PRDM7: variants seen among roughly 807,000 people sequenced by gnomAD.
The protein encoded by PRDM7 is PR/SET domain 7.
PRDM7 carries 52 observed loss-of-function variants against 64.3 expected under a neutral mutation model. That is an observed-to-expected ratio of 0.81 (90% CI 0.65 to 1.02). The LOEUF is 1.02. Ranked by LOEUF, PRDM7 falls within the 50% of genes least tolerant of loss-of-function variation. PRDM7 has a pLI of 0.00. For synonymous variants in PRDM7, 192 were observed against 210.1 expected, an observed-to-expected ratio of 0.91 and a Z score of 0.74; for missense variants, 574 against 597.1, an observed-to-expected ratio of 0.96 and a Z score of 0.40.
chr16:90,063,792 A>G, intron 5 of PRDM7, 24 bp from the exon 6 acceptor site: 6 of 1,613,326 alleles, frequency 3.7e-6, no homozygotes, highest in Non-Finnish European at 4.2e-6. Context: ...ATCACATATT[A>G]AAAGACAACG....
intron 1 of PRDM7, among the ~76,000 whole-genome samples, chr16:90,076,528 G>C (rs2038038287): frequency 6.6e-6 from 1 of 151,350 alleles, no homozygotes; most frequent in Admixed American, 6.6e-5. Flanking sequence ...TCAGGCTGAG[G>C]GGATTTGAGA....
chr16:90,069,651 A>G (rs1415875761), intron 4 of PRDM7, among the ~76,000 whole-genome samples: 3 of 151,270 alleles, frequency 2.0e-5, no homozygotes, highest in Admixed American at 6.6e-5. Flanking sequence ...GCACATGACT[A>G]TAGTTCAGCT....
chr16:90,058,160 C>G lies in PRDM7; in HGVS notation c.*129G>C. On this transcript the variant is annotated 3_prime_UTR_variant, in exon 11 of 11. Coordinates refer to ENST00000449207, the MANE Select transcript of PRDM7 (RefSeq NM_001098173.2). ...CCCACAAATAATTTGCCTGTGTTCC[C>G]TGGATTCACTTTCTGGCCTGTTCTG... 1.9e-6 allele frequency: 3 copies of G among 1,614,200 alleles called. No homozygotes were observed. Among genetic ancestry groups the G allele is most frequent in the Non-Finnish European group, 2.5e-6 (3 of 1,180,024 alleles).
chr16:90,060,745 G>A, intron 9 of PRDM7, 122 bp from the exon 10 acceptor site: 1 of 1,408,630 alleles, frequency 7.1e-7, no homozygotes, highest in Non-Finnish European at 1.0e-6. Flanking sequence ...TTTTTTCAAA[G>A]CCCAACTCCA....
At chr16:90,074,120 C>T (rs768177009) in intron 4 of PRDM7, among the ~76,000 whole-genome samples, 2 of 152,080 alleles carry the variant, frequency 1.3e-5, no homozygotes, top group South Asian at 2.1e-4. Flanking sequence ...GGGGGCTATG[C>T]ACGGTGGCTC....
At chr16:90,062,660 C>G (rs768087392) in intron 6 of PRDM7, among the ~76,000 whole-genome samples, 158 bp from the exon 7 acceptor site, 7 of 152,220 alleles carry the variant, frequency 4.6e-5, no homozygotes, top group Non-Finnish European at 1.0e-4. Context: ...TTAGACCCCA[C>G]ACCCACACTG....
chr16:90,058,275 C>T lies in PRDM7; in HGVS notation c.*14G>A. On this transcript the variant is annotated 3_prime_UTR_variant, in exon 11 of 11. Transcript: ENST00000449207. ...AAAAGGCCCTTGAAATCTCCCTCTG[C>T]CATGTCCTTTTATTCAAGAGTTTGG... is the stretch of plus-strand genomic sequence containing the variant. The T allele has an allele frequency of 6.2e-7, 1 of 1,614,188 alleles. No homozygotes were observed.
At position 90,057,521 on chromosome 16, in the gene PRDM7, G is replaced by T; in HGVS notation, c.*768C>A. ...AGGGAAGAATGAGGTACACACTTGGGGTTCAGATATGTATGGAGACAAAAT... is the reference window on the plus strand; with the variant it reads ...AGGGAAGAATGAGGTACACACTTGGTGTTCAGATATGTATGGAGACAAAAT... On this transcript the variant is annotated 3_prime_UTR_variant, in exon 11 of 11. Transcript: ENST00000449207. 4.2e-6 allele frequency: 1 copy of T among 235,900 alleles called. No homozygotes were observed. The highest frequency in any genetic ancestry group is 7.3e-5 in the South Asian group (1 of 13,732). 14.6% of individuals were successfully genotyped at this position (235,900 alleles called of 1,614,324 possible).
At chr16:90,073,789 T>C (rs992113886) in intron 4 of PRDM7, among the ~76,000 whole-genome samples, 1 of 151,808 alleles carries the variant, frequency 6.6e-6, no homozygotes, top group African/African-American at 2.4e-5. Flanking sequence ...GTCACTTTTT[T>C]TTCCCCCCGA....
At chr16:90,061,179 C>T (rs1156750695) in intron 9 of PRDM7, among the ~76,000 whole-genome samples, 5 of 152,178 alleles carry the variant, frequency 3.3e-5, no homozygotes. Flanking sequence ...ATGTGGATTA[C>T]ATAAATTAAA....
Position 90,058,391 on chromosome 16 carries a change from G to A in PRDM7, c.1377C>T (p.Ile459=). The change falls in exon 11 of 11, where the codon ATC becomes ATT. Residue 459 remains isoleucine, a synonymous_variant. Transcript: ENST00000449207. The part of the protein sequence containing the change: ...HLQENFSNQR[I]PAQGIRIRSG... ...TCCTGATTCTGATCCCCTGGGCAGGGATTCTCTGGTTGGAGAAGTTTTCTT... is the reference window on the plus strand; with the variant it reads ...TCCTGATTCTGATCCCCTGGGCAGGAATTCTCTGGTTGGAGAAGTTTTCTT... 1 of 1,614,152 alleles carries A rather than the reference G, an allele frequency of 6.2e-7. No homozygotes were observed. The highest frequency in any genetic ancestry group is 1.3e-5 in the African/African-American group (1 of 75,034).
In PRDM7 at chr16:90,066,186, C is replaced by G. The variant is rs538045306; in HGVS notation, c.351+675G>C. On this transcript the variant is annotated intron_variant, in intron 5 of 10. Transcript: ENST00000449207. ...ATTTGTTGTTTCTCAATCTTCGAAC[C>G]TGAAACCCTTCAGGGCTGGAAGCTG... 1.5e-3 allele frequency among the ~76,000 whole-genome samples: 221 copies of G among 151,428 alleles called. 14 individuals carry two copies. The highest frequency in any genetic ancestry group is 5.3e-3 in the African/African-American group (215 of 40,820).
intron 1 of PRDM7, among the ~76,000 whole-genome samples, chr16:90,076,773 G>T (rs2038042524): frequency 6.6e-6 from 1 of 152,046 alleles, no homozygotes; most frequent in African/African-American, 2.4e-5. Flanking sequence ...TGAGGCTGAG[G>T]AAATTCTGGG....
intron 7 of PRDM7, 45 bp from the exon 8 acceptor site, chr16:90,062,237 T>G (rs1198105124): frequency 6.2e-7 from 1 of 1,614,220 alleles, no homozygotes; most frequent in Admixed American, 1.7e-5. Flanking sequence ...TAATGCATGT[T>G]CCTTGATATA....
chr16:90,071,303 G>T (rs1311257060), intron 4 of PRDM7, among the ~76,000 whole-genome samples: 5 of 152,102 alleles, frequency 3.3e-5, no homozygotes, highest in Non-Finnish European at 4.4e-5. Flanking sequence ...GGCTAATTTT[G>T]TATTTTTAGT....
rs775563473 is a variant in PRDM7, at chr16:90,062,403, AG to A, written c.607del (p.Leu203SerfsTer23). 12 of 1,613,916 alleles carry A rather than the reference AG, an allele frequency of 7.4e-6. No individual in the cohort carries two copies. Among genetic ancestry groups the A allele is most frequent in the Admixed American group, 1.7e-5 (1 of 60,006 alleles). ...EISEPQDDDY[L>X]YCEMCQNFFI... ...GAGTGGCTGAAAGGGTCACTCACAG[AG>A]GTAGTCATCATCCTGTGGCTCGCTG... On this transcript the variant is annotated frameshift_variant, in exon 7 of 11. Transcript: ENST00000449207. LOFTEE classifies it high-confidence loss of function.
Position 90,060,486 on chromosome 16 carries a change from T to A in PRDM7, c.1088A>T (p.Gln363Leu). ...TATAGAAGATCTGATGCCCAGTTCC[T>A]GGCCATACTCATCCCCAGACCAGAC... ...LLVWSGDEYG[Q>L]ELGIRSSIEP... The change falls in exon 10 of 11, where the codon CAG becomes CTG. Residue 363 changes from glutamine to leucine, a missense_variant. By Grantham distance (113) the Gln-to-Leu change is moderately radical (BLOSUM62 -2). Transcript: ENST00000449207. The A allele has an allele frequency of 6.2e-7, 1 of 1,613,792 alleles. No individual in the cohort carries two copies. Among genetic ancestry groups the A allele is most frequent in the South Asian group, 1.1e-5 (1 of 91,058 alleles).
chr16:90,062,386 G>A lies in PRDM7; in HGVS notation c.610+15C>T, dbSNP rs754396243. The stretch of plus-strand genomic sequence containing the variant: ...ATAACAGCAAGCTGTGTGAGTGGCT[G>A]AAAGGGTCACTCACAGAGGTAGTCA... On this transcript the variant is annotated intron_variant, in intron 7 of 10. Coordinates refer to ENST00000449207, the MANE Select transcript of PRDM7 (RefSeq NM_001098173.2). 12 of 1,613,120 alleles carry A rather than the reference G, an allele frequency of 7.4e-6. No individual in the cohort carries two copies. The East Asian group carries it at 2.2e-4, about 30-fold the overall frequency.
intron 4 of PRDM7, among the ~76,000 whole-genome samples, chr16:90,074,072 C>T (rs1295856887): frequency 6.6e-6 from 1 of 151,996 alleles, no homozygotes; most frequent in Non-Finnish European, 1.5e-5. Flanking sequence ...AGGTGTGAGC[C>T]ACCATGCCTG....
Sources: gnomAD v4.1 joint callset for allele counts (sites outside exome capture counted in the v4.1 genomes callset) on GRCh38, gnomAD v4.1.1 for gene constraint, MANE v1.5 for transcripts, NCBI Gene and HGNC (gene_info 2026-07-23, HGNC 2026-07-21) for gene names.